The following GRIP1 variants were observed in gnomAD, a reference collection of about 807,000 sequenced individuals.
GRIP1 encodes the protein glutamate receptor interacting protein 1, also known as glutamate receptor-interacting protein 1.
In GRIP1, 45 loss-of-function variants were observed where a neutral mutation model predicts 129.9. The observed-to-expected ratio is 0.35, with a 90% CI of 0.27 to 0.44. The LOEUF is 0.44. Ranked by LOEUF, GRIP1 falls within the 20% of genes least tolerant of loss-of-function variation. The probability of loss-of-function intolerance (pLI) is 1.00; values close to 1 mark genes in which losing one functional copy is unlikely to be tolerated. For missense variants in GRIP1, 1,196 were observed against 1,396.8 expected (o/e 0.86, Z 2.29); for synonymous variants, 530 against 520.8 (o/e 1.02, Z -0.24).
chr12:66,993,788 CAA>C (rs3051204), intron 1 of GRIP1, among the ~76,000 whole-genome samples: 53,813 of 115,946 alleles, frequency 0.46, 10,974 homozygotes, highest in Non-Finnish European at 0.5. Flanking sequence ...GAGGCTGTCT[CAA>C]AAAAAAAAAA....
At chr12:66,715,491 A>G (rs1181534734) in intron 1 of GRIP1, among the ~76,000 whole-genome samples, 1 of 123,524 alleles carries the variant, frequency 8.1e-6, no homozygotes, top group Non-Finnish European at 1.8e-5. Flanking sequence ...AGAGAGAGAG[A>G]GAGAGAGAGA....
At chr12:66,643,677 A>T (rs61926115) in intron 1 of GRIP1, among the ~76,000 whole-genome samples, 9,203 of 152,038 alleles carry the variant, frequency 0.061, 339 homozygotes, top group East Asian at 0.11. Flanking sequence ...CGATCCTCCC[A>T]CCTCAGCCTC....
At chr12:67,051,658 G>A (rs2135851954) in intron 1 of GRIP1, among the ~76,000 whole-genome samples, 1 of 152,328 alleles carries the variant, frequency 6.6e-6, no homozygotes, top group East Asian at 1.9e-4. Flanking sequence ...TGGAAGCCAG[G>A]GAGCTCCTAA....
At position 66,564,520 on chromosome 12, in the gene GRIP1, C is replaced by T. The variant is rs549160577; in HGVS notation, c.137-22570G>A. Among the ~76,000 whole-genome samples the T allele has an allele frequency of 2.6e-5, 4 of 152,200 alleles. No homozygotes were observed. In the South Asian group the frequency reaches 8.3e-4, roughly 32 times the overall value. On this transcript the variant is annotated intron_variant, in intron 2 of 24. Coordinates refer to ENST00000359742, the MANE Select transcript of GRIP1 (RefSeq NM_001366722.1). ...ATGTGCCACATTTTCTTAATCCAGT[C>T]TACTATTGTTGGACATTTGGGTTGG...
At chr12:66,849,607 C>A (rs77602723) in intron 1 of GRIP1, among the ~76,000 whole-genome samples, 25 of 152,180 alleles carry the variant, frequency 1.6e-4, no homozygotes, top group African/African-American at 6.0e-4. Flanking sequence ...CAGAGCATGA[C>A]CCTGTCTCAA....
intron 1 of GRIP1, among the ~76,000 whole-genome samples, chr12:66,785,080 C>T (rs2038278758): frequency 1.3e-5 from 2 of 151,960 alleles, no homozygotes; most frequent in South Asian, 4.2e-4. Context: ...TAATATTTTA[C>T]TAGGTCACCA....
At chr12:66,662,605 C>A (rs2033576776) in intron 1 of GRIP1, among the ~76,000 whole-genome samples, 1 of 152,130 alleles carries the variant, frequency 6.6e-6, no homozygotes, top group Admixed American at 6.5e-5. Context: ...TTGTGGTATA[C>A]AAGCCCGTCC....
intron 1 of GRIP1, among the ~76,000 whole-genome samples, chr12:66,697,980 C>T (rs546361444): frequency 6.6e-6 from 1 of 152,118 alleles, no homozygotes; most frequent in East Asian, 1.9e-4. Context: ...TATTCTACAA[C>T]TAGAAAAAAT....
Position 66,562,737 on chromosome 12 carries a change from C to G in GRIP1, c.137-20787G>C, listed in dbSNP as rs553278009. Reference sequence around the variant, plus strand: ...ATACAATGTTAGATGCACCATCACCCCCGACCCCCTGCCGCACAGTTGAAA... The same window carrying G: ...ATACAATGTTAGATGCACCATCACCGCCGACCCCCTGCCGCACAGTTGAAA... On this transcript the variant is annotated intron_variant, in intron 2 of 24. Coordinates refer to ENST00000359742, the MANE Select transcript of GRIP1 (RefSeq NM_001366722.1). Among the ~76,000 whole-genome samples the G allele has an allele frequency of 2.0e-3, 306 of 152,128 alleles. 3 individuals are homozygous for G. The Middle Eastern group carries it at 0.02, about 10-fold the overall frequency.
chr12:66,646,776 G>C (rs1257608471), intron 1 of GRIP1, among the ~76,000 whole-genome samples: 1 of 152,090 alleles, frequency 6.6e-6, no homozygotes, highest in Non-Finnish European at 1.5e-5. Flanking sequence ...AAGCAACAGG[G>C]GGCCCTGGCA....
At chr12:66,554,018 G>A (rs1475940588) in intron 2 of GRIP1, among the ~76,000 whole-genome samples, 2 of 152,152 alleles carry the variant, frequency 1.3e-5, no homozygotes. Context: ...TCCTAGTGCT[G>A]TGCTGGGCTA....
intron 1 of GRIP1, among the ~76,000 whole-genome samples, chr12:66,720,493 A>G (rs1565986149): frequency 6.6e-6 from 1 of 152,212 alleles, no homozygotes; most frequent in Non-Finnish European, 1.5e-5. Flanking sequence ...GTTTCTCTGT[A>G]GCATGCAATG....
chr12:67,022,462 TG>T (rs2042881516), intron 1 of GRIP1, among the ~76,000 whole-genome samples: 1 of 152,178 alleles, frequency 6.6e-6, no homozygotes, highest in Non-Finnish European at 1.5e-5. Flanking sequence ...ATGAGTGGAA[TG>T]GTTTGATGAT....
chr12:66,531,284 T>A (rs867910005), intron 4 of GRIP1, among the ~76,000 whole-genome samples: 340 of 30,796 alleles, frequency 0.011, 25 homozygotes, highest in Middle Eastern at 0.03. Flanking sequence ...TATATATATA[T>A]ATATATATAT....
intron 7 of GRIP1, among the ~76,000 whole-genome samples, chr12:66,479,673 A>G (rs2059740098): frequency 1.3e-5 from 2 of 152,216 alleles, no homozygotes; most frequent in Admixed American, 6.5e-5. Flanking sequence ...AATCCTCAAT[A>G]AAACTCTGAC....
intron 1 of GRIP1, among the ~76,000 whole-genome samples, chr12:67,020,559 G>A (rs1838639715): frequency 6.6e-6 from 1 of 151,898 alleles, no homozygotes; most frequent in Non-Finnish European, 1.5e-5. Flanking sequence ...AGGTACAGGT[G>A]GTCTGGCAAA....
chr12:66,514,708 C>T (rs2060794457), intron 7 of GRIP1, among the ~76,000 whole-genome samples: 1 of 152,016 alleles, frequency 6.6e-6, no homozygotes, highest in Non-Finnish European at 1.5e-5. Flanking sequence ...ACCTCATAGT[C>T]TCCAGACATT....
At chr12:66,483,294 C>T (rs950531703) in intron 7 of GRIP1, among the ~76,000 whole-genome samples, 3 of 152,096 alleles carry the variant, frequency 2.0e-5, no homozygotes, top group Non-Finnish European at 4.4e-5. Context: ...AAACCAAACC[C>T]CAATACATTT....
chr12:66,877,831 T>C (rs1252333926), intron 1 of GRIP1, among the ~76,000 whole-genome samples: 1 of 151,844 alleles, frequency 6.6e-6, no homozygotes, highest in Non-Finnish European at 1.5e-5. Flanking sequence ...AAAATAAAAT[T>C]AAAAAATGAG....
Sources: allele counts gnomAD v4.1 joint callset (sites outside exome capture counted in the v4.1 genomes callset), GRCh38; gene constraint gnomAD v4.1.1; transcripts MANE v1.5; gene names NCBI Gene and HGNC (gene_info 2026-07-23, HGNC 2026-07-21).